SAMD5: variants seen among roughly 807,000 people sequenced by gnomAD.
SAMD5 encodes the protein sterile alpha motif domain-containing protein 5.
A neutral mutation model predicts 11.3 loss-of-function variants in SAMD5; 13 were observed. That is an observed-to-expected ratio of 1.15 (90% CI 0.75 to 1.83). SAMD5 has a LOEUF of 1.83. SAMD5 is among the 40% of genes most tolerant of loss of function. The pLI is 0.00. For synonymous variants in SAMD5, 129 were observed against 111.3 expected (o/e 1.16, Z -1.00); for missense variants, 255 against 239.1 (o/e 1.07, Z -0.44).
At chr6:147,556,688 A>C (rs1159691976) in intron 1 of SAMD5, among the ~76,000 whole-genome samples, 1 of 152,236 alleles carries the variant, frequency 6.6e-6, no homozygotes, top group Non-Finnish European at 1.5e-5. Flanking sequence ...AATTACTTAA[A>C]TAATTTTATC....
intron 1 of SAMD5, among the ~76,000 whole-genome samples, chr6:147,614,385 G>C (rs9377067): frequency 0.18 from 26,754 of 151,160 alleles, 5,029 homozygotes; most frequent in African/African-American, 0.47. Flanking sequence ...AGGAGAATCA[G>C]TTGAACCTGG....
chr6:147,876,679 ACT>A, the SAMD5 span, among the ~76,000 whole-genome samples: 4 of 152,166 alleles, frequency 2.6e-5, no homozygotes, highest in Non-Finnish European at 5.9e-5. Flanking sequence ...TAGAAAAATA[ACT>A]CTGTTTGACT....
the SAMD5 span, among the ~76,000 whole-genome samples, chr6:147,752,933 A>G: frequency 6.6e-6 from 1 of 152,226 alleles, no homozygotes; most frequent in Non-Finnish European, 1.5e-5. Flanking sequence ...CTGTATACTT[A>G]AGGAGTTCTC....
At chr6:147,546,082 G>A (rs899947889) in intron 1 of SAMD5, among the ~76,000 whole-genome samples, 1 of 152,152 alleles carries the variant, frequency 6.6e-6, no homozygotes, top group African/African-American at 2.4e-5. Context: ...CATAATAAAT[G>A]CTTATTTCTG....
the SAMD5 span, among the ~76,000 whole-genome samples, chr6:147,791,152 G>A: frequency 2.6e-5 from 4 of 151,902 alleles, no homozygotes; most frequent in African/African-American, 9.7e-5. Context: ...AAAATTAGCC[G>A]GGTATGGTGG....
intron 1 of SAMD5, among the ~76,000 whole-genome samples, chr6:147,637,295 C>T (rs1396011976): frequency 2.0e-5 from 3 of 152,176 alleles, no homozygotes; most frequent in East Asian, 1.9e-4. Context: ...ATACCAGGCT[C>T]TCCATAAACC....
chr6:147,903,652 A>G, the SAMD5 span, among the ~76,000 whole-genome samples: 2 of 152,144 alleles, frequency 1.3e-5, no homozygotes, highest in Non-Finnish European at 2.9e-5. Context: ...GCTCACGGCT[A>G]TAATCCCAGC....
At chr6:147,938,408 A>G in the SAMD5 span, among the ~76,000 whole-genome samples, 1 of 152,222 alleles carries the variant, frequency 6.6e-6, no homozygotes, top group Non-Finnish European at 1.5e-5. Flanking sequence ...CTATCAGACA[A>G]GGGATGCTCA....
intron 1 of SAMD5, among the ~76,000 whole-genome samples, chr6:147,614,636 G>A (rs79697680): frequency 4.6e-5 from 7 of 152,066 alleles, no homozygotes; most frequent in Non-Finnish European, 8.8e-5. Context: ...AATCTGTGGT[G>A]TAGGAAGCTG....
intron 1 of SAMD5, among the ~76,000 whole-genome samples, chr6:147,735,469 A>C (rs184388924): frequency 4.6e-5 from 7 of 152,280 alleles, no homozygotes; most frequent in Non-Finnish European, 8.8e-5. Context: ...AATGAATTGT[A>C]ACTGTGACCT....
Position 147,579,454 on chromosome 6 carries a change from ATTTTTTTTTTTT to A in SAMD5, c.162+70085_162+70096del, listed in dbSNP as rs3031353. 9.1e-5 allele frequency among the ~76,000 whole-genome samples: 7 copies of A among 76,946 alleles called. 1 individual carries two copies. The South Asian group carries it at 2.4e-3, about 27-fold the overall frequency. 50.5% of individuals were successfully genotyped at this position (76,946 alleles called of 152,430 possible). On this transcript the variant is annotated intron_variant, in intron 1 of 1. Transcript: ENST00000566741. ...GCGATAGTTTGGAAGCAGGCTTTGAATTTTTTTTTTTTTTTTTTTTTTTTTTTTTGAGACGGA... is the reference window on the plus strand; with the variant it reads ...GCGATAGTTTGGAAGCAGGCTTTGAATTTTTTTTTTTTTTTTTGAGACGGA...
At chr6:147,906,806 TATAACAC>T in the SAMD5 span, among the ~76,000 whole-genome samples, 3 of 152,234 alleles carry the variant, frequency 2.0e-5, no homozygotes, top group Non-Finnish European at 4.4e-5. Context: ...CTAATGTCTG[TATAACAC>T]ATTTCTTTTG....
At chr6:147,763,577 T>C in the SAMD5 span, among the ~76,000 whole-genome samples, 1 of 151,948 alleles carries the variant, frequency 6.6e-6, no homozygotes, top group Non-Finnish European at 1.5e-5. Flanking sequence ...TTATGCCACA[T>C]AGTGTTTTTT....
intron 1 of SAMD5, among the ~76,000 whole-genome samples, chr6:147,551,812 T>TTTTATATATATATATATATA (rs368122795): frequency 1.1e-4 from 11 of 99,444 alleles, no homozygotes; most frequent in African/African-American, 3.5e-4. Context: ...TATATATATG[T>TTTTATATATATATATATATA]TATATATATA....
At chr6:147,739,374 C>A (rs1420558079), downstream of SAMD5, among the ~76,000 whole-genome samples, 2 of 152,244 alleles carry the variant, frequency 1.3e-5, no homozygotes, top group South Asian at 4.1e-4. Flanking sequence ...GGCCGGAAGA[C>A]CATTTGAGCC....
the SAMD5 span, among the ~76,000 whole-genome samples, chr6:147,786,340 T>C: frequency 6.6e-6 from 1 of 152,338 alleles, no homozygotes. Context: ...TTTTTTTCCA[T>C]TGGAAGCTTG....
chr6:147,579,619 G>A (rs1217551598), intron 1 of SAMD5, among the ~76,000 whole-genome samples: 1 of 151,862 alleles, frequency 6.6e-6, no homozygotes, highest in Non-Finnish European at 1.5e-5. Context: ...GCATATGCCT[G>A]GTTAATTTTC....
the SAMD5 span, among the ~76,000 whole-genome samples, chr6:147,896,254 G>A: frequency 6.6e-6 from 1 of 152,180 alleles, no homozygotes; most frequent in South Asian, 2.1e-4. Context: ...GGTGTGTCAG[G>A]GATAAGACGG....
intron 1 of SAMD5, among the ~76,000 whole-genome samples, chr6:147,605,218 T>C (rs1331636228): frequency 2.0e-5 from 3 of 152,170 alleles, no homozygotes; most frequent in African/African-American, 7.2e-5. Context: ...ACTCAAGCAA[T>C]CTTCCTGCCT....
Sources: gnomAD v4.1 joint callset for allele counts (sites outside exome capture counted in the v4.1 genomes callset) on GRCh38, gnomAD v4.1.1 for gene constraint, MANE v1.5 for transcripts, NCBI Gene and HGNC (gene_info 2026-07-23, HGNC 2026-07-21) for gene names.